The following HLA-DQA2 variants were observed in gnomAD, a reference collection of about 807,000 sequenced individuals.
HLA-DQA2 encodes the protein HLA class II histocompatibility antigen, DQ alpha 2 chain.
In HLA-DQA2, 17 loss-of-function variants were observed where a neutral mutation model predicts 21.0. The ratio of observed to expected loss-of-function variants is 0.81; its 90% CI spans 0.56 to 1.22. The LOEUF (loss-of-function observed/expected upper bound fraction) is 1.22, where lower values mean the gene tolerates loss of function less well. Among genes scored for constraint, HLA-DQA2 ranks in the 50% most tolerant of loss-of-function variants. The pLI, the probability that HLA-DQA2 is intolerant of heterozygous loss-of-function variation, is 0.00. For synonymous variants in HLA-DQA2, 81 were observed against 116.5 expected, an observed-to-expected ratio of 0.70 and a Z score of 1.96; for missense variants, 239 against 308.8, an observed-to-expected ratio of 0.77 and a Z score of 1.69.
At chr6:32,742,480 C>T (rs1334530289) in intron 1 of HLA-DQA2, among the ~76,000 whole-genome samples, 1 of 152,188 alleles carries the variant, frequency 6.6e-6, no homozygotes, top group Admixed American at 6.5e-5. Flanking sequence ...TCCCTCTTCC[C>T]TTTCAGGATC....
chr6:32,745,087 T>C (rs1287805815), intron 1 of HLA-DQA2, 72 bp from the exon 2 acceptor site: 3 of 1,508,626 alleles, frequency 2.0e-6, no homozygotes, highest in South Asian at 1.3e-5. Context: ...AGTGAGTTTC[T>C]TCAATCACTT....
chr6:32,744,948 A>T (rs1763459466), intron 1 of HLA-DQA2, among the ~76,000 whole-genome samples: 1 of 151,914 alleles, frequency 6.6e-6, no homozygotes, highest in Non-Finnish European at 1.5e-5. Flanking sequence ...GCCTTTGTGG[A>T]GCATATGTTA....
Position 32,741,413 on chromosome 6 carries a change from C to T in HLA-DQA2, c.-31C>T. On this transcript the variant is annotated 5_prime_UTR_variant, in exon 1 of 5. Transcript: ENST00000374940. ...CTCACAATTGCTCTACAGCTCAGAG[C>T]AGCAACTGCTGAGGCTGCCTTGGGA... is the stretch of plus-strand genomic sequence containing the variant. 1 of 1,607,778 alleles carries T rather than the reference C, an allele frequency of 6.2e-7. No homozygotes were observed.
At chr6:32,746,134 C>G (rs1763573244) in intron 3 of HLA-DQA2, 62 bp downstream of exon 3, 30 of 1,611,208 alleles carry the variant, frequency 1.9e-5, no homozygotes, top group Non-Finnish European at 2.5e-5. Context: ...TCTCCCTAAG[C>G]CTGGGGCCTT....
At position 32,743,842 on chromosome 6, in the gene HLA-DQA2, T is replaced by C. The variant is rs189471810; in HGVS notation, c.83-1317T>C. ...CAGACATTGAGATTCCATTGAGGCGTTGGAGGTCACAACGCGGTCAAAAAC... is the reference window on the plus strand; with the variant it reads ...CAGACATTGAGATTCCATTGAGGCGCTGGAGGTCACAACGCGGTCAAAAAC... On this transcript the variant is annotated intron_variant, in intron 1 of 4. Coordinates refer to ENST00000374940, the MANE Select transcript of HLA-DQA2 (RefSeq NM_020056.5). Among the ~76,000 whole-genome samples, 192 of 150,914 alleles carry C rather than the reference T, an allele frequency of 1.3e-3. 1 individual carries two copies. The highest frequency in any genetic ancestry group is 4.3e-3 in the African/African-American group (178 of 41,132).
rs911556002 is a variant in HLA-DQA2, at chr6:32,745,885, G to T, written c.426G>T (p.Val142=). The T allele has an allele frequency of 2.5e-6, 4 of 1,613,128 alleles. No individual in the cohort carries two copies. The highest frequency in any genetic ancestry group is 3.4e-6 in the Non-Finnish European group (4 of 1,180,042). The change falls in exon 3 of 5, where the codon GTG becomes GTT. Residue 142 remains valine, a synonymous_variant. Transcript: ENST00000374940. ...ICLVDNIFPP[V]VNITWLSNGH... ...TTGTGGACAACATCTTTCCTCCTGTGGTCAACATCACCTGGCTGAGCAATG... is the reference window on the plus strand; with the variant it reads ...TTGTGGACAACATCTTTCCTCCTGTTGTCAACATCACCTGGCTGAGCAATG...
intron 1 of HLA-DQA2, among the ~76,000 whole-genome samples, chr6:32,744,916 A>G (rs972542455): frequency 3.9e-5 from 6 of 152,342 alleles, no homozygotes; most frequent in Admixed American, 2.6e-4. Context: ...GCACTCAGGA[A>G]ATAACAGACG....
intron 1 of HLA-DQA2, among the ~76,000 whole-genome samples, chr6:32,743,858 G>T (rs1050964684): frequency 6.6e-6 from 1 of 151,988 alleles, no homozygotes; most frequent in Non-Finnish European, 1.5e-5. Context: ...GTCACAACGC[G>T]GTCAAAAACA....
At chr6:32,746,536 C>A in intron 4 of HLA-DQA2, 46 bp from the exon 5 acceptor site, 2 of 1,090,776 alleles carry the variant, frequency 1.8e-6, no homozygotes, top group Non-Finnish European at 1.4e-6. Flanking sequence ...GATGATCACA[C>A]AGGAGGCCCC....
intron 1 of HLA-DQA2, among the ~76,000 whole-genome samples, chr6:32,742,869 CT>C (rs28993556): frequency 0.14 from 19,964 of 139,832 alleles, 1,452 homozygotes; most frequent in South Asian, 0.18. Flanking sequence ...AATGTTTTAA[CT>C]TTTTTTTTTT....
rs1237312971 is a variant in HLA-DQA2 at position 32,746,750 on chromosome 6, C to G, written c.*189C>G. 2 of 504,498 alleles carry G rather than the reference C, an allele frequency of 4.0e-6. No individual in the cohort carries two copies. Among genetic ancestry groups the G allele is most frequent in the Admixed American group, 2.5e-5 (1 of 40,268 alleles). The allele number at this position is 504,498 out of a possible 1,614,324, so 31.3% of individuals were successfully genotyped here. A position where few individuals can be genotyped will look rare whatever the true frequency, so the allele number is the denominator to read the frequency against. ...CAGAGCTCACAAATGCCTTTCAATTCTTTCCCTGACCTCCTTTCCTGAATT... is the reference window on the plus strand; with the variant it reads ...CAGAGCTCACAAATGCCTTTCAATTGTTTCCCTGACCTCCTTTCCTGAATT... On this transcript the variant is annotated 3_prime_UTR_variant, in exon 5 of 5. Transcript: ENST00000374940.
intron 1 of HLA-DQA2, among the ~76,000 whole-genome samples, chr6:32,744,848 C>A (rs1029036265): frequency 3.3e-5 from 5 of 151,992 alleles, no homozygotes; most frequent in Non-Finnish European, 5.9e-5. Context: ...TCATTCATTC[C>A]TTCCTTTGTT....
intron 1 of HLA-DQA2, among the ~76,000 whole-genome samples, chr6:32,742,806 C>G (rs1219370422): frequency 6.6e-6 from 1 of 151,718 alleles, no homozygotes; most frequent in East Asian, 1.9e-4. Flanking sequence ...TACAAGAGAA[C>G]GTTTTAACTC....
chr6:32,746,235 C>A lies in HLA-DQA2; in HGVS notation c.614-5C>A. On this transcript the variant is annotated splice_polypyrimidine_tract_variant and splice_region_variant and intron_variant, in intron 3 of 4. Transcript: ENST00000374940. ...ATTCTGACCTCAACAGCTCCACTTTCACAGAGCCTGAGATTCCAGCCCCTA... is the reference window on the plus strand; with the variant it reads ...ATTCTGACCTCAACAGCTCCACTTTAACAGAGCCTGAGATTCCAGCCCCTA... 6.2e-7 allele frequency: 1 copy of A among 1,613,112 alleles called. No individual in the cohort carries two copies. Among genetic ancestry groups the A allele is most frequent in the Non-Finnish European group, 8.5e-7 (1 of 1,180,028 alleles).
chr6:32,746,509 G>C (rs531697297), intron 4 of HLA-DQA2, 73 bp from the exon 5 acceptor site: 2 of 1,421,094 alleles, frequency 1.4e-6, no homozygotes, highest in Non-Finnish European at 2.0e-6. Context: ...AGTTGTAGGC[G>C]AATTGGGAAG....
Position 32,745,234 on chromosome 6 carries a change from A to G in HLA-DQA2, c.158A>G (p.Asp53Gly). 1 of 1,614,050 alleles carries G rather than the reference A, an allele frequency of 6.2e-7. No homozygotes were observed. The highest frequency in any genetic ancestry group is 8.5e-7 in the Non-Finnish European group (1 of 1,179,958). The change falls in exon 2 of 5, where the codon GAT (aspartate) becomes GGT (glycine). Residue 53 changes from aspartate to glycine, a missense_variant. Coordinates refer to ENST00000374940, the MANE Select transcript of HLA-DQA2 (RefSeq NM_020056.5). ...TCTGGCCAGTACACCCATGAATTTG[A>G]TGGAGACGAGGAGTTCTATGTGGAC... The part of the protein sequence containing the change: ...GPSGQYTHEF[D>G]GDEEFYVDLE...
intron 1 of HLA-DQA2, among the ~76,000 whole-genome samples, chr6:32,741,843 TG>T (rs1338951432): frequency 6.6e-6 from 1 of 152,186 alleles, no homozygotes; most frequent in African/African-American, 2.4e-5. Flanking sequence ...AGTATTTTTT[TG>T]TTATTAAAAA....
In HLA-DQA2 at chr6:32,746,302, T is replaced by C. The variant is rs1181318091; in HGVS notation, c.676T>C (p.Ser226Pro). 3 of 1,613,112 alleles carry C rather than the reference T, an allele frequency of 1.9e-6. No individual in the cohort carries two copies. The highest frequency in any genetic ancestry group is 2.5e-6 in the Non-Finnish European group (3 of 1,180,044). Residue 226 changes from serine (S) to proline (P), a missense_variant, in exon 4 of 5, where the codon TCT (serine) becomes CCT (proline). Physicochemically the swap from Ser to Pro is moderately conservative, Grantham distance 74. Transcript: ENST00000374940. ...GACTTTGGTCTGCGCCCTGGGGTTG[T>C]CTGTGGGCCTCATGGGCATTGTGGT... is the stretch of plus-strand genomic sequence containing the variant. Reference protein sequence around the residue: ...TETLVCALGLSVGLMGIVVGT... With the variant: ...TETLVCALGLPVGLMGIVVGT...
chr6:32,742,959 A>G (rs9276418), intron 1 of HLA-DQA2, among the ~76,000 whole-genome samples: 76,139 of 130,050 alleles, frequency 0.59, 24,385 homozygotes, highest in East Asian at 0.83. Flanking sequence ...TCCGCCTCCC[A>G]GGTTCACGCC....
Sources: gnomAD v4.1 joint callset for allele counts (sites outside exome capture counted in the v4.1 genomes callset) on GRCh38, gnomAD v4.1.1 for gene constraint, MANE v1.5 for transcripts, NCBI Gene and HGNC (gene_info 2026-07-23, HGNC 2026-07-21) for gene names.